The following DHRS4L2 variants were observed in gnomAD, a reference collection of about 807,000 sequenced individuals.
DHRS4L2 encodes the protein dehydrogenase/reductase SDR family member 4-like 2.
A neutral mutation model predicts 23.9 loss-of-function variants in DHRS4L2; 22 were observed. The ratio of observed to expected loss-of-function variants is 0.92; its 90% CI spans 0.66 to 1.31. DHRS4L2 has a LOEUF of 1.31. Ranked by LOEUF, DHRS4L2 falls within the 40% of genes most tolerant of loss-of-function variation. The pLI, the probability that DHRS4L2 is intolerant of heterozygous loss-of-function variation, is 0.00. For synonymous variants in DHRS4L2, 141 were observed against 123.7 expected (o/e 1.14, Z -0.93); for missense variants, 385 against 303.3 (o/e 1.27, Z -2.00).
At chr14:23,986,553 G>A (rs529122221), upstream of DHRS4L2, among the ~76,000 whole-genome samples, 2 of 151,158 alleles carry the variant, frequency 1.3e-5, no homozygotes, top group African/African-American at 4.8e-5. Context: ...TAGTGCTGGA[G>A]GCCAAATAGC....
intron 1 of DHRS4L2, among the ~76,000 whole-genome samples, chr14:23,970,654 C>G (rs967472619): frequency 1.3e-5 from 2 of 152,074 alleles, no homozygotes; most frequent in African/African-American, 4.8e-5. Context: ...CGATAACGGA[C>G]AGACTGCCTC....
At chr14:23,972,117 A>G (rs1296209685) in intron 1 of DHRS4L2, among the ~76,000 whole-genome samples, 1 of 151,956 alleles carries the variant, frequency 6.6e-6, no homozygotes, top group Non-Finnish European at 1.5e-5. Context: ...TAGGCCCAAA[A>G]TGAAGGTATG....
chr14:23,985,050 T>G (rs1266042186), upstream of DHRS4L2, among the ~76,000 whole-genome samples: 1 of 151,372 alleles, frequency 6.6e-6, no homozygotes, highest in East Asian at 1.9e-4. Flanking sequence ...TATGACTGCA[T>G]TCTTTGAACA....
chr14:23,972,286 T>C (rs370721068), intron 1 of DHRS4L2, among the ~76,000 whole-genome samples: 24 of 151,894 alleles, frequency 1.6e-4, no homozygotes, highest in Admixed American at 3.3e-4. Context: ...TTCGTGGTCT[T>C]GCTGGCTTCA....
At chr14:23,977,097 G>A (rs2033981735) in intron 1 of DHRS4L2, among the ~76,000 whole-genome samples, 1 of 151,760 alleles carries the variant, frequency 6.6e-6, no homozygotes, top group South Asian at 2.1e-4. Context: ...AGAACTCAAA[G>A]TATAATAATA....
rs557829469 is a variant in DHRS4L2 at position 23,994,615 on chromosome 14, T to G, written c.307-417T>G. Among the ~76,000 whole-genome samples the G allele has an allele frequency of 1.6e-4, 25 of 151,624 alleles. 1 individual carries two copies. The highest frequency in any genetic ancestry group is 3.2e-4 in the Non-Finnish European group (22 of 67,864). On this transcript the variant is annotated intron_variant, in intron 2 of 7. Transcript: ENST00000335125. Reference sequence around the variant, plus strand: ...AGCCAAGAGGATGGCTTGAACCCAGTAGGTCAAGGCTGCAGTGAGCTGAGA... The same window carrying G: ...AGCCAAGAGGATGGCTTGAACCCAGGAGGTCAAGGCTGCAGTGAGCTGAGA...
In DHRS4L2 at chr14:23,992,495, A is replaced by T. The variant is rs534157158; in HGVS notation, c.306+2136A>T. ...AAAAGCCACTGCCCTGAGAATGGAT[A>T]CTACCCAGTGGCCTCCTCATCTGCA... On this transcript the variant is annotated intron_variant, in intron 2 of 7. Coordinates refer to ENST00000335125, the MANE Select transcript of DHRS4L2 (RefSeq NM_198083.4). Among the ~76,000 whole-genome samples, 166 of 151,518 alleles carry T rather than the reference A, an allele frequency of 1.1e-3. 3 individuals carry two copies. The highest frequency in any genetic ancestry group is 3.8e-3 in the Admixed American group (58 of 15,256).
intron 2 of DHRS4L2, among the ~76,000 whole-genome samples, chr14:23,993,657 TAAG>T (rs765498902): frequency 4.0e-5 from 6 of 151,718 alleles, no homozygotes; most frequent in Non-Finnish European, 8.8e-5. Flanking sequence ...TATAACTTAT[TAAG>T]GAGGTGAGAT....
At position 24,001,525 on chromosome 14, in the gene DHRS4L2, A is replaced by C; in HGVS notation, c.665+8A>C. On this transcript the variant is annotated splice_region_variant and intron_variant, in intron 6 of 7. Transcript: ENST00000335125. The stretch of plus-strand genomic sequence containing the variant: ...ACTAGCTTCAGCAGGATGGTGAGGA[A>C]GGGGAGCTTTGCATTTGACTGGGAC... 1 of 1,601,728 alleles carries C rather than the reference A, an allele frequency of 6.2e-7. No homozygotes were observed.
intron 1 of DHRS4L2, among the ~76,000 whole-genome samples, chr14:23,971,499 A>G (rs1247711710): frequency 7.9e-5 from 12 of 152,182 alleles, no homozygotes; most frequent in Non-Finnish European, 1.3e-4. Context: ...TACAGAGAAC[A>G]TCACAAAGAT....
At chr14:23,971,371 G>C (rs1466211196) in intron 1 of DHRS4L2, among the ~76,000 whole-genome samples, 6 of 152,030 alleles carry the variant, frequency 3.9e-5, no homozygotes, top group Non-Finnish European at 8.8e-5. Flanking sequence ...AGCTTCAATA[G>C]CTGATTCAAT....
At position 23,989,990 on chromosome 14, in the gene DHRS4L2, T is replaced by C. The variant is rs1277112880; in HGVS notation, c.129-192T>C. 2.0e-5 allele frequency among the ~76,000 whole-genome samples: 3 copies of C among 151,818 alleles called. No individual in the cohort carries two copies. The East Asian group carries it at 5.8e-4, about 29-fold the overall frequency. On this transcript the variant is annotated intron_variant, in intron 1 of 7. Coordinates refer to ENST00000335125, the MANE Select transcript of DHRS4L2 (RefSeq NM_198083.4). ...GGAACTAAGGCTGTGATCCAGGTCA[T>C]AATAAAAATAAGTAAAGCAGTGCTA...
At chr14:23,977,441 C>G (rs945371673) in intron 1 of DHRS4L2, among the ~76,000 whole-genome samples, 6 of 151,666 alleles carry the variant, frequency 4.0e-5, no homozygotes, top group African/African-American at 1.5e-4. Context: ...CATTTTATCA[C>G]TGAGCTTAAG....
At chr14:23,993,569 G>C (rs2034313209) in intron 2 of DHRS4L2, among the ~76,000 whole-genome samples, 1 of 151,428 alleles carries the variant, frequency 6.6e-6, no homozygotes, top group African/African-American at 2.4e-5. Flanking sequence ...TAGTTTCAGG[G>C]TGGCTTTGTA....
chr14:24,004,695 C>T lies in DHRS4L2; in HGVS notation c.*22+303C>T, dbSNP rs1185409843. 5 of 521,646 alleles carry T rather than the reference C, an allele frequency of 9.6e-6. 1 individual carries two copies. The highest frequency in any genetic ancestry group is 3.7e-5 in the East Asian group (1 of 27,060). The allele number at this position is 521,646 out of a possible 1,614,324, so 32.3% of individuals were successfully genotyped here. A position where few individuals can be genotyped will look rare whatever the true frequency, so the allele number is the denominator to read the frequency against. On this transcript the variant is annotated intron_variant, in intron 7 of 7. Coordinates refer to ENST00000335125, the MANE Select transcript of DHRS4L2 (RefSeq NM_198083.4). ...CTGAGCATCCATGGAGACCAGGGAC[C>T]ATAACCAAAACCATGCTTTGTTAGT...
upstream of DHRS4L2, chr14:23,988,647 CAA>C: frequency 2.0e-6 from 1 of 505,632 alleles, no homozygotes; most frequent in Non-Finnish European, 3.0e-6. Context: ...GGGCAGCAGC[CAA>C]AGTCTGCGGG....
intron 1 of DHRS4L2, among the ~76,000 whole-genome samples, chr14:23,976,064 A>T (rs2033957919): frequency 6.6e-6 from 1 of 151,548 alleles, no homozygotes; most frequent in South Asian, 2.1e-4. Context: ...CTTCATGATA[A>T]AAACACCAAA....
At chr14:23,977,277 T>C (rs866504487) in intron 1 of DHRS4L2, among the ~76,000 whole-genome samples, 1 of 151,896 alleles carries the variant, frequency 6.6e-6, no homozygotes, top group South Asian at 2.1e-4. Context: ...ATATTTCCTA[T>C]TGCCATCTGG....
At position 24,001,409 on chromosome 14, in the gene DHRS4L2, A is replaced by C. The variant is rs1051972443; in HGVS notation, c.557A>C (p.Lys186Thr). Residue 186 changes from lysine (K) to threonine (T), a missense_variant, in exon 6 of 8, where the codon AAA becomes ACA. Lys to Thr is a moderately conservative substitution (Grantham distance 78). Transcript: ENST00000335125. ...GGCTTCAGTCCTTACAATGTCAGTAAAACAGCCTTGCTGGGCCTCAACAAT... is the reference window on the plus strand; with the variant it reads ...GGCTTCAGTCCTTACAATGTCAGTACAACAGCCTTGCTGGGCCTCAACAAT... ...SPGFSPYNVSKTALLGLNNTL... is the reference protein window; with the variant it reads ...SPGFSPYNVSTTALLGLNNTL... The C allele has an allele frequency of 6.2e-7, 1 of 1,607,742 alleles. No homozygotes were observed. The highest frequency in any genetic ancestry group is 8.5e-7 in the Non-Finnish European group (1 of 1,179,358).
Sources: gnomAD v4.1 joint callset for allele counts (sites outside exome capture counted in the v4.1 genomes callset) on GRCh38, gnomAD v4.1.1 for gene constraint, MANE v1.5 for transcripts, NCBI Gene and HGNC (gene_info 2026-07-23, HGNC 2026-07-21) for gene names.